The following PHB1 variants were observed in gnomAD, a reference collection of about 807,000 sequenced individuals.
The protein encoded by PHB1 is epididymis luminal protein 215.
chr17:49,407,803 A>T, the PHB1 span, among the ~76,000 whole-genome samples: 2 of 152,002 alleles, frequency 1.3e-5, no homozygotes, highest in South Asian at 4.1e-4. Flanking sequence ...TAACCTCCTA[A>T]CTCTAACTGC....
At chr17:49,404,965 C>G in the PHB1 span, 1 of 1,490,928 alleles carries the variant, frequency 6.7e-7, no homozygotes, top group Admixed American at 2.0e-5. Context: ...CCCAGTCAGC[C>G]CGCGGAGGTG....
the PHB1 span, chr17:49,411,969 A>G: frequency 1.3e-6 from 1 of 792,574 alleles, no homozygotes; most frequent in Non-Finnish European, 2.0e-6. Context: ...TGTCTTCCCC[A>G]ACTCCTGGTC....
the PHB1 span, chr17:49,412,025 T>C: frequency 1.8e-6 from 1 of 565,462 alleles, no homozygotes; most frequent in Middle Eastern, 4.3e-4. Context: ...TCACTTCCTG[T>C]TCCACATGTC....
the PHB1 span, chr17:49,412,952 C>G: frequency 2.1e-6 from 1 of 481,020 alleles, no homozygotes; most frequent in Non-Finnish European, 3.8e-6. Context: ...AGGAAGTGGG[C>G]TGGGAAGCTC....
the PHB1 span, among the ~76,000 whole-genome samples, chr17:49,407,760 G>GTAAA: frequency 1.3e-5 from 2 of 152,342 alleles, no homozygotes; most frequent in African/African-American, 4.8e-5. Context: ...CTCCTGAAGA[G>GTAAA]TAAATCCTGG....
the PHB1 span, chr17:49,408,931 C>T: frequency 1.4e-6 from 1 of 715,218 alleles, no homozygotes; most frequent in Admixed American, 2.4e-5. Flanking sequence ...TCAAGTCTCA[C>T]ATCTAGCAAA....
At chr17:49,406,468 G>C in the PHB1 span, among the ~76,000 whole-genome samples, 1 of 152,230 alleles carries the variant, frequency 6.6e-6, no homozygotes, top group Admixed American at 6.5e-5. Context: ...TCTCAGTGAA[G>C]CTGAAAATAC....
At chr17:49,410,449 T>C in the PHB1 span, among the ~76,000 whole-genome samples, 1 of 152,252 alleles carries the variant, frequency 6.6e-6, no homozygotes, top group Non-Finnish European at 1.5e-5. Context: ...GCTTCAGTGA[T>C]AGCAGCTTTT....
the PHB1 span, among the ~76,000 whole-genome samples, chr17:49,405,718 T>C: frequency 6.6e-6 from 1 of 152,146 alleles, no homozygotes; most frequent in Admixed American, 6.5e-5. Context: ...AAGGCTGCAG[T>C]GAGCTATGAT....
the PHB1 span, chr17:49,405,070 G>C: frequency 6.2e-7 from 1 of 1,604,756 alleles, no homozygotes; most frequent in African/African-American, 1.3e-5. Flanking sequence ...GCTGGTACGC[G>C]ATGTCCTCTG....
At chr17:49,411,899 C>G in the PHB1 span, 1 of 1,497,920 alleles carries the variant, frequency 6.7e-7, no homozygotes, top group Non-Finnish European at 9.2e-7. Flanking sequence ...ACAAAAGGAT[C>G]ATGTCTTTGA....
the PHB1 span, chr17:49,404,938 A>C: frequency 4.2e-6 from 5 of 1,197,252 alleles, no homozygotes; most frequent in Non-Finnish European, 6.1e-6. Context: ...CTGTGTTAAG[A>C]ATCATCGGGG....
the PHB1 span, chr17:49,405,226 C>CA: frequency 1.2e-6 from 2 of 1,605,818 alleles, no homozygotes; most frequent in Non-Finnish European, 1.7e-6. Flanking sequence ...GAGGTGGAGA[C>CA]AAAGATCAAA....
At chr17:49,405,364 G>A in the PHB1 span, among the ~76,000 whole-genome samples, 1 of 152,216 alleles carries the variant, frequency 6.6e-6, no homozygotes, top group Non-Finnish European at 1.5e-5. Context: ...GGGGGAAGCA[G>A]AGCACATTGC....
chr17:49,413,112 G>T, the PHB1 span: 1 of 1,164,250 alleles, frequency 8.6e-7, no homozygotes, highest in Non-Finnish European at 1.3e-6. Context: ...GTGTCACATG[G>T]GCTATGCAGA....
the PHB1 span, among the ~76,000 whole-genome samples, chr17:49,408,207 G>A: frequency 6.6e-6 from 1 of 152,214 alleles, no homozygotes; most frequent in Non-Finnish European, 1.5e-5. Context: ...TCCAGCAGGC[G>A]GAGCAAGGTG....
the PHB1 span, chr17:49,409,442 G>C: frequency 6.2e-7 from 1 of 1,609,396 alleles, no homozygotes; most frequent in Non-Finnish European, 8.5e-7. Flanking sequence ...GCCGGAAGAG[G>C]ATGCGCAGTG....
chr17:49,412,890 G>T, the PHB1 span: 2 of 321,804 alleles, frequency 6.2e-6, no homozygotes, highest in African/African-American at 2.1e-5. Context: ...GGCAGCATTT[G>T]GGTGGTGCGG....
At chr17:49,413,068 CA>C in the PHB1 span, 1 of 798,072 alleles carries the variant, frequency 1.3e-6, no homozygotes, top group South Asian at 1.5e-5. Flanking sequence ...CTCTTGGCCA[CA>C]AACACATTCA....
Sources: allele counts gnomAD v4.1 joint callset (sites outside exome capture counted in the v4.1 genomes callset), GRCh38; gene constraint gnomAD v4.1.1; transcripts MANE v1.5; gene names NCBI Gene and HGNC (gene_info 2026-07-23, HGNC 2026-07-21).